The following STRIP2 variants were observed in gnomAD, a reference collection of about 807,000 sequenced individuals.
STRIP2 encodes the protein striatin interacting protein 2, also known as striatin-interacting protein 2.
In STRIP2, 84 loss-of-function variants were observed where a neutral mutation model predicts 107.1. That is an observed-to-expected ratio of 0.78 (90% confidence interval 0.66 to 0.94). STRIP2 has a LOEUF of 0.94. STRIP2 is among the 40% of genes least tolerant of loss of function. STRIP2 has a pLI of 0.00. For synonymous variants in STRIP2, 394 were observed against 400.4 expected, an observed-to-expected ratio of 0.98 and a Z score of 0.19; for missense variants, 888 against 1,034.2, an observed-to-expected ratio of 0.86 and a Z score of 1.94.
At chr7:129,467,101 A>C (rs1237786857) in intron 16 of STRIP2, among the ~76,000 whole-genome samples, 1 of 152,158 alleles carries the variant, frequency 6.6e-6, no homozygotes. Flanking sequence ...TATGTATTGG[A>C]GTGGGATTTT....
chr7:129,463,499 CT>C (rs750018679), intron 14 of STRIP2, among the ~76,000 whole-genome samples: 484 of 144,606 alleles, frequency 3.3e-3, no homozygotes, highest in Admixed American at 3.0e-3. Flanking sequence ...AAAGAACAGT[CT>C]TTTTTTTTTT....
chr7:129,483,416 A>G lies in STRIP2; in HGVS notation c.2254+370A>G, dbSNP rs1032377685. 3.1e-5 allele frequency: 23 copies of G among 751,338 alleles called. No individual in the cohort carries two copies. The highest frequency in any genetic ancestry group is 3.8e-5 in the Non-Finnish European group (23 of 601,168). 46.5% of individuals were successfully genotyped at this position (751,338 alleles called of 1,614,324 possible). ...AATACAAGTAAACAAACATTTTACT[A>G]TATTATATTTATGCCATATTTGTAC... is the stretch of plus-strand genomic sequence containing the variant. On this transcript the variant is annotated intron_variant, in intron 20 of 20. Coordinates refer to ENST00000249344, the MANE Select transcript of STRIP2 (RefSeq NM_020704.3). The surrounding 1 kb of genome is among the most constrained non-coding windows in gnomAD (Gnocchi z 5.1).
At chr7:129,476,613 G>C (rs1267104244) in intron 18 of STRIP2, among the ~76,000 whole-genome samples, 2 of 150,016 alleles carry the variant, frequency 1.3e-5, no homozygotes, top group Non-Finnish European at 3.0e-5. Flanking sequence ...CACATCTCAC[G>C]ATGGGCGGCC....
chr7:129,487,664 T>C lies in STRIP2; in HGVS notation c.*1835T>C, dbSNP rs1799271175. ...ACCTAAGTAGGACAGTAGTCCTTACTGCAATCAAAATAATTTACTGAGCAC... is the reference window on the plus strand; with the variant it reads ...ACCTAAGTAGGACAGTAGTCCTTACCGCAATCAAAATAATTTACTGAGCAC... On this transcript the variant is annotated 3_prime_UTR_variant, in exon 21 of 21. Coordinates refer to ENST00000249344, the MANE Select transcript of STRIP2 (RefSeq NM_020704.3). 6.6e-6 allele frequency: 1 copy of C among 152,238 alleles called. No homozygotes were observed. Among genetic ancestry groups the C allele is most frequent in the Non-Finnish European group, 1.5e-5 (1 of 68,040 alleles). The allele number at this position is 152,238 out of a possible 1,614,324, so 9.4% of individuals were successfully genotyped here.
chr7:129,459,717 G>A (rs1313623240), intron 12 of STRIP2, 137 bp downstream of exon 12: 8 of 632,130 alleles, frequency 1.3e-5, no homozygotes, highest in Non-Finnish European at 2.2e-5. Flanking sequence ...CAGTCCTTTG[G>A]CCAAATAGGA....
rs1562900616 is a variant in STRIP2, at chr7:129,453,215, C to G, written c.410-12C>G. Reference sequence around the variant, plus strand: ...ACCCCTCAACCCCTGTAACAACTGTCTGGTCCTTTAGGTACTTTTGGGGAA... The same window carrying G: ...ACCCCTCAACCCCTGTAACAACTGTGTGGTCCTTTAGGTACTTTTGGGGAA... On this transcript the variant is annotated splice_polypyrimidine_tract_variant and intron_variant, in intron 4 of 20. Transcript: ENST00000249344. 1 of 1,613,940 alleles carries G rather than the reference C, an allele frequency of 6.2e-7. No individual in the cohort carries two copies. Among genetic ancestry groups the G allele is most frequent in the Non-Finnish European group, 8.5e-7 (1 of 1,179,910 alleles).
At chr7:129,470,593 C>T in intron 17 of STRIP2, 56 bp from the exon 18 acceptor site, 2 of 1,425,296 alleles carry the variant, frequency 1.4e-6, no homozygotes, top group Non-Finnish European at 9.9e-7. Flanking sequence ...CCAGATACAG[C>T]CAATTCCTGC....
At chr7:129,443,329 T>G (rs1436725289) in intron 2 of STRIP2, among the ~76,000 whole-genome samples, 1 of 152,218 alleles carries the variant, frequency 6.6e-6, no homozygotes, top group Non-Finnish European at 1.5e-5. Context: ...CCTATAGGTC[T>G]GAGCCATCAC....
At chr7:129,463,973 G>C (rs1345683514) in intron 14 of STRIP2, 71 bp from the exon 15 acceptor site, 12 of 1,188,902 alleles carry the variant, frequency 1.0e-5, no homozygotes, top group African/African-American at 1.5e-5. Flanking sequence ...AGGGCGGTTA[G>C]GGTGTGGAAG....
chr7:129,465,694 G>A (rs690872), intron 16 of STRIP2, among the ~76,000 whole-genome samples: 129,643 of 152,230 alleles, frequency 0.85, 56,048 homozygotes, highest in East Asian at 0.96. Context: ...CTGCTTTCCC[G>A]TAAAACATTG....
At chr7:129,477,999 T>C (rs1049314026) in intron 18 of STRIP2, 1 of 488,292 alleles carries the variant, frequency 2.0e-6, no homozygotes, top group Non-Finnish European at 4.1e-6. Context: ...AATCTTGTGA[T>C]AGATAAGTGT....
chr7:129,476,139 C>G (rs1387493657), intron 18 of STRIP2, among the ~76,000 whole-genome samples: 2 of 151,262 alleles, frequency 1.3e-5, no homozygotes, highest in African/African-American at 4.9e-5. Context: ...GAAGGGGTGG[C>G]CAGGCAGAGG....
intron 18 of STRIP2, among the ~76,000 whole-genome samples, chr7:129,479,370 A>G (rs541404734): frequency 6.6e-6 from 1 of 152,250 alleles, no homozygotes; most frequent in Non-Finnish European, 1.5e-5. Context: ...AAGCCAGACT[A>G]CCTGATGCAC....
chr7:129,470,733 T>A lies in STRIP2; in HGVS notation c.1944+18T>A. ...AAAGTCTGGTAAGCAGATGGGGATT[T>A]GGTAGCCTTTGAAATTGCTAGGTAG... is the stretch of plus-strand genomic sequence containing the variant. On this transcript the variant is annotated intron_variant, in intron 18 of 20. Coordinates refer to ENST00000249344, the MANE Select transcript of STRIP2 (RefSeq NM_020704.3). The A allele has an allele frequency of 6.2e-7, 1 of 1,611,124 alleles. No individual in the cohort carries two copies. Among genetic ancestry groups the A allele is most frequent in the Non-Finnish European group, 8.5e-7 (1 of 1,177,266 alleles).
intron 16 of STRIP2, among the ~76,000 whole-genome samples, chr7:129,465,165 A>G (rs1300980937): frequency 6.6e-6 from 1 of 152,194 alleles, no homozygotes; most frequent in Non-Finnish European, 1.5e-5. Context: ...CAGGGCCTTG[A>G]AACCTTATAA....
intron 4 of STRIP2, among the ~76,000 whole-genome samples, chr7:129,452,295 TGGAAAG>T (rs1436549243): frequency 3.3e-5 from 5 of 152,010 alleles, no homozygotes; most frequent in African/African-American, 1.2e-4. Context: ...AGCCAGGTGT[TGGAAAG>T]GGAAATGAGA....
chr7:129,481,107 C>A (rs566619313), intron 19 of STRIP2, among the ~76,000 whole-genome samples: 8 of 152,312 alleles, frequency 5.3e-5, no homozygotes, highest in African/African-American at 1.9e-4. Flanking sequence ...AACCCTCCCT[C>A]AGGGCAACTC....
chr7:129,463,914 A>G, intron 14 of STRIP2, 130 bp from the exon 15 acceptor site: 3 of 675,032 alleles, frequency 4.4e-6, no homozygotes, highest in South Asian at 3.5e-5. Flanking sequence ...CTGGGGAGAT[A>G]TGGTCATTGA....
intron 2 of STRIP2, among the ~76,000 whole-genome samples, chr7:129,441,500 A>G (rs964036172): frequency 1.1e-4 from 17 of 152,232 alleles, no homozygotes; most frequent in South Asian, 2.1e-4. Context: ...AAACTATAGC[A>G]TATTAGTGCA....
Sources: gnomAD v4.1 joint callset for allele counts (sites outside exome capture counted in the v4.1 genomes callset) on GRCh38, gnomAD v4.1.1 for gene constraint, Gnocchi (gnomAD v3.1) non-coding constraint, MANE v1.5 for transcripts, NCBI Gene and HGNC (gene_info 2026-07-23, HGNC 2026-07-21) for gene names.